The following IPPK variants were observed in gnomAD, a reference collection of about 807,000 sequenced individuals.
IPPK encodes IPK1 homolog.
A neutral mutation model predicts 64.6 loss-of-function variants in IPPK; 22 were observed. That is an observed-to-expected ratio of 0.34 (90% CI 0.24 to 0.49). The LOEUF is 0.49. Among genes scored for constraint, IPPK ranks in the 20% least tolerant of loss-of-function variants. IPPK has a pLI of 0.99. For synonymous variants in IPPK, 262 were observed against 247.2 expected, an observed-to-expected ratio of 1.06 and a Z score of -0.56; for missense variants, 532 against 630.7, an observed-to-expected ratio of 0.84 and a Z score of 1.68.
At chr9:92,644,104 G>A (rs1185102523) in intron 6 of IPPK, among the ~76,000 whole-genome samples, 4 of 152,126 alleles carry the variant, frequency 2.6e-5, no homozygotes, top group Non-Finnish European at 4.4e-5. Flanking sequence ...AAGAAAAGAA[G>A]GGGTGATGTT....
chr9:92,634,280 A>G, intron 11 of IPPK, 106 bp downstream of exon 11: 1 of 729,648 alleles, frequency 1.4e-6, no homozygotes, highest in African/African-American at 1.8e-5. Context: ...TTTCTGCTTT[A>G]AACCTCAGGG....
chr9:92,649,750 AGGTGAGGTG>A (rs538512390), intron 4 of IPPK, among the ~76,000 whole-genome samples, 176 bp from the exon 5 acceptor site: 93 of 152,328 alleles, frequency 6.1e-4, no homozygotes, highest in African/African-American at 2.2e-3. Flanking sequence ...GGTTTAGGCC[AGGTGAGGTG>A]GCTCACACCT....
At chr9:92,629,007 G>A (rs1420115105) in intron 11 of IPPK, among the ~76,000 whole-genome samples, 4 of 152,098 alleles carry the variant, frequency 2.6e-5, no homozygotes, top group Non-Finnish European at 4.4e-5. Flanking sequence ...AGGATTACTC[G>A]AGCCCAGGAG....
At chr9:92,628,590 T>TGC (rs762744511) in intron 11 of IPPK, among the ~76,000 whole-genome samples, 5 of 152,150 alleles carry the variant, frequency 3.3e-5, no homozygotes, top group Non-Finnish European at 7.3e-5. Flanking sequence ...CAACAAATGG[T>TGC]GCTGACCGGG....
rs1210226192 is a variant in IPPK at position 92,648,158 on chromosome 9, A to G, written c.415-10T>C. Reference sequence around the variant, plus strand: ...TAAACCCACATTTTGGCTGTAAAATAAACAAATAAGGAGGAAAAATATTTA... The same window carrying G: ...TAAACCCACATTTTGGCTGTAAAATGAACAAATAAGGAGGAAAAATATTTA... On this transcript the variant is annotated splice_polypyrimidine_tract_variant and intron_variant, in intron 5 of 12. Coordinates refer to ENST00000287996, the MANE Select transcript of IPPK (RefSeq NM_022755.6). 2.5e-6 allele frequency: 4 copies of G among 1,603,754 alleles called. No homozygotes were observed. The highest frequency in any genetic ancestry group is 3.4e-6 in the Non-Finnish European group (4 of 1,172,148).
rs377525522 is a variant in IPPK, at chr9:92,652,798, G to A, written c.226-159C>T. 1.2e-3 allele frequency among the ~76,000 whole-genome samples: 182 copies of A among 152,184 alleles called. 5 individuals are homozygous for A. In the South Asian group the frequency reaches 0.036, roughly 30 times the overall value. ...TTATTGCTTAAAAAAAAATCAGTGTGTGGATTTTGGGAATAAAAGCTGCTC... is the reference window on the plus strand; with the variant it reads ...TTATTGCTTAAAAAAAAATCAGTGTATGGATTTTGGGAATAAAAGCTGCTC... On this transcript the variant is annotated intron_variant, in intron 3 of 12. Coordinates refer to ENST00000287996, the MANE Select transcript of IPPK (RefSeq NM_022755.6).
chr9:92,632,531 T>G (rs1285270295), intron 11 of IPPK, among the ~76,000 whole-genome samples: 1 of 152,138 alleles, frequency 6.6e-6, no homozygotes, highest in Non-Finnish European at 1.5e-5. Context: ...CAGAAATACA[T>G]AAAAAGGAAA....
chr9:92,669,898 C>T lies in IPPK; in HGVS notation c.81+10G>A, dbSNP rs1027062824. The T allele has an allele frequency of 6.2e-7, 1 of 1,607,048 alleles. No homozygotes were observed. The highest frequency in any genetic ancestry group is 2.2e-5 in the East Asian group (1 of 44,552). On this transcript the variant is annotated intron_variant, in intron 1 of 12. Transcript: ENST00000287996. The stretch of plus-strand genomic sequence containing the variant: ...AGGTACCGGACCTGCGCCGCACGTC[C>T]ACCGCTCACCTGCGCGTGGGCCACC...
At position 92,670,099 on chromosome 9, in the gene IPPK, C is replaced by G. The variant is rs1487479688; in HGVS notation, c.-111G>C. On this transcript the variant is annotated 5_prime_UTR_variant, in exon 1 of 13. Transcript: ENST00000287996. ...CGGTCGGGGGAGGAGCGCCTGTCAG[C>G]TGCCGCCCCCGCTCGACCCCGCCGC... The G allele has an allele frequency of 6.0e-6, 4 of 668,864 alleles. No homozygotes were observed. The highest frequency in any genetic ancestry group is 9.3e-6 in the Non-Finnish European group (4 of 428,276). The allele number at this position is 668,864 out of a possible 1,614,324, so 41.4% of individuals were successfully genotyped here.
Position 92,656,817 on chromosome 9 carries a change from G to T in IPPK, c.130-266C>A, listed in dbSNP as rs996333517. On this transcript the variant is annotated intron_variant, in intron 2 of 12. Coordinates refer to ENST00000287996, the MANE Select transcript of IPPK (RefSeq NM_022755.6). ...GAGGACCGCACTGCTGCCGCCTCCCGTCTGCCCTTCTCCCAAAGCGGCCCC... is the reference window on the plus strand; with the variant it reads ...GAGGACCGCACTGCTGCCGCCTCCCTTCTGCCCTTCTCCCAAAGCGGCCCC... 2.0e-5 allele frequency among the ~76,000 whole-genome samples: 3 copies of T among 152,168 alleles called. No homozygotes were observed. In the South Asian group the frequency reaches 6.2e-4, roughly 32 times the overall value.
chr9:92,657,953 G>A (rs1043912432), intron 2 of IPPK, among the ~76,000 whole-genome samples: 20 of 152,230 alleles, frequency 1.3e-4, no homozygotes, highest in African/African-American at 4.1e-4. Context: ...GCCTCCGCCT[G>A]CTCCCACAGT....
At chr9:92,642,580 G>A (rs1180267791) in intron 7 of IPPK, among the ~76,000 whole-genome samples, 172 bp downstream of exon 7, 1 of 152,218 alleles carries the variant, frequency 6.6e-6, no homozygotes, top group African/African-American at 2.4e-5. Flanking sequence ...AAGGCACGGA[G>A]CACAAAGCCC....
chr9:92,615,686 TC>T lies in IPPK; in HGVS notation c.*145del, dbSNP rs1851407462. 1 of 623,346 alleles carries T rather than the reference TC, an allele frequency of 1.6e-6. No individual in the cohort carries two copies. The highest frequency in any genetic ancestry group is 1.8e-5 in the African/African-American group (1 of 54,252). 38.6% of individuals were successfully genotyped at this position (623,346 alleles called of 1,614,324 possible). On this transcript the variant is annotated 3_prime_UTR_variant, in exon 13 of 13. Coordinates refer to ENST00000287996, the MANE Select transcript of IPPK (RefSeq NM_022755.6). ...GAAGTTGTTTCTAGTGCTCTTCAATTCCATGTCTCCAAGAGGCAATCCCACC... is the reference window on the plus strand; with the variant it reads ...GAAGTTGTTTCTAGTGCTCTTCAATTCATGTCTCCAAGAGGCAATCCCACC...
In IPPK at chr9:92,615,938, T is replaced by C. The variant is rs1851415273; in HGVS notation, c.1370A>G (p.Lys457Arg). ...AGTCTTTGAATAATAGTTGACGATC[T>C]TGCCGTCCAGTTTATACTGATGGGG... is the stretch of plus-strand genomic sequence containing the variant. ...SIPHQYKLDG[K>R]IVNYYSKTVR... Residue 457 changes from lysine (K) to arginine (R), a missense_variant, in exon 13 of 13, where the codon AAG (lysine) becomes AGG (arginine). Lys to Arg is a conservative substitution (Grantham distance 26). Transcript: ENST00000287996. 8 of 1,614,200 alleles carry C rather than the reference T, an allele frequency of 5.0e-6. No homozygotes were observed. The highest frequency in any genetic ancestry group is 6.8e-6 in the Non-Finnish European group (8 of 1,180,020).
intron 7 of IPPK, among the ~76,000 whole-genome samples, chr9:92,641,241 C>T (rs1852040182): frequency 6.6e-6 from 1 of 152,168 alleles, no homozygotes; most frequent in South Asian, 2.1e-4. Flanking sequence ...GGCTAGAGCC[C>T]CAGGGAGCCC....
intron 1 of IPPK, among the ~76,000 whole-genome samples, chr9:92,666,602 C>T (rs572290392): frequency 3.7e-4 from 57 of 152,316 alleles, no homozygotes; most frequent in African/African-American, 1.3e-3. Flanking sequence ...AAGCATGCCA[C>T]AGGGTCCACA....
chr9:92,637,905 A>G, intron 9 of IPPK, 96 bp downstream of exon 9: 1 of 1,324,224 alleles, frequency 7.6e-7, no homozygotes, highest in Non-Finnish European at 1.0e-6. Context: ...CAGAGCCCCC[A>G]GGAGGCTGTG....
intron 1 of IPPK, among the ~76,000 whole-genome samples, chr9:92,665,720 G>A (rs1587648089): frequency 1.3e-5 from 2 of 151,812 alleles, no homozygotes; most frequent in Non-Finnish European, 2.9e-5. Context: ...CTTTTTCTAC[G>A]TAACTGTAAA....
chr9:92,629,362 CAGAAT>C (rs1189792753), intron 11 of IPPK, among the ~76,000 whole-genome samples: 1 of 152,088 alleles, frequency 6.6e-6, no homozygotes, highest in Non-Finnish European at 1.5e-5. Flanking sequence ...AGGCAACCAA[CAGAAT>C]AGGAGAAAAT....
Sources: allele counts gnomAD v4.1 joint callset (sites outside exome capture counted in the v4.1 genomes callset), GRCh38; gene constraint gnomAD v4.1.1; transcripts MANE v1.5; gene names NCBI Gene and HGNC (gene_info 2026-07-23, HGNC 2026-07-21).